ANKMY1: variants seen among roughly 807,000 people sequenced by gnomAD.
ANKMY1 encodes the protein ankyrin repeat and MYND domain-containing protein 1.
A neutral mutation model predicts 102.0 loss-of-function variants in ANKMY1; 98 were observed. The ratio of observed to expected loss-of-function variants is 0.96; its 90% CI spans 0.82 to 1.14. ANKMY1 has a LOEUF of 1.14. ANKMY1 is among the 50% of genes most tolerant of loss of function. The probability of loss-of-function intolerance (pLI) is 0.00; values close to 1 mark genes in which losing one functional copy is unlikely to be tolerated. For missense variants in ANKMY1, 1,330 were observed against 1,347.6 expected, an observed-to-expected ratio of 0.99 and a Z score of 0.20; for synonymous variants, 582 against 559.9, an observed-to-expected ratio of 1.04 and a Z score of -0.56.
intron 4 of ANKMY1, among the ~76,000 whole-genome samples, chr2:240,550,832 T>G (rs1215855391): frequency 7.7e-6 from 1 of 129,976 alleles, no homozygotes; most frequent in Non-Finnish European, 1.7e-5. Flanking sequence ...AATAACCAAA[T>G]TTCCTTGTCA....
At chr2:240,538,701 G>A (rs113293453) in intron 4 of ANKMY1, among the ~76,000 whole-genome samples, 7,486 of 152,270 alleles carry the variant, frequency 0.049, 272 homozygotes, top group Non-Finnish European at 0.068. Flanking sequence ...TGGCCCTGGC[G>A]TGCGATCCAC....
At chr2:240,478,616 T>TCCCTCTTGTCCCTCC (rs1399032308), downstream of ANKMY1, among the ~76,000 whole-genome samples, 1 of 151,878 alleles carries the variant, frequency 6.6e-6, no homozygotes, top group Admixed American at 6.5e-5. Flanking sequence ...CACCCAGCGG[T>TCCCTCTTGTCCCTCC]CAGCTTGTCC....
Position 240,511,915 on chromosome 2 carries a change from C to T in ANKMY1, c.2232G>A (p.Glu744=), listed in dbSNP as rs773097597. Residue 744 remains glutamate (E), a synonymous_variant, in exon 11 of 18, where the codon GAG becomes GAA. Coordinates refer to ENST00000401804, the MANE Select transcript of ANKMY1 (RefSeq NM_001282771.3). ...TGTGCAGAGCCGTCCTGCCCCCCTC[C>T]TCCGGGAGGGCTGTGTCCGTGCTGT... The part of the protein sequence containing the change: ...AYYSTDTALP[E]EGGRTALHMA... 5.7e-6 allele frequency: 9 copies of T among 1,583,194 alleles called. No homozygotes were observed. The highest frequency in any genetic ancestry group is 1.7e-4 in the Middle Eastern group (1 of 5,976).
intron 4 of ANKMY1, among the ~76,000 whole-genome samples, chr2:240,545,181 T>C (rs919912756): frequency 2.5e-4 from 38 of 152,304 alleles, no homozygotes; most frequent in Admixed American, 9.8e-4. Context: ...CAGACTGCCT[T>C]CTCAAGTGGG....
chr2:240,485,277 G>A (rs554108716), intron 15 of ANKMY1, among the ~76,000 whole-genome samples: 167 of 151,028 alleles, frequency 1.1e-3, no homozygotes, highest in African/African-American at 3.9e-3. Context: ...GCAGTGAGCC[G>A]AGATCGCGCC....
chr2:240,545,848 T>C (rs1481635350), intron 4 of ANKMY1, among the ~76,000 whole-genome samples: 1 of 152,132 alleles, frequency 6.6e-6, no homozygotes, highest in Non-Finnish European at 1.5e-5. Flanking sequence ...CTCCAAGAAA[T>C]ACGGGACTAT....
rs1208865918 is a variant in ANKMY1, at chr2:240,552,864, GAC to G, written c.480+48_480+49del. 7 of 1,611,744 alleles carry G rather than the reference GAC, an allele frequency of 4.3e-6. No individual in the cohort carries two copies. The Admixed American group carries it at 8.3e-5, about 19-fold the overall frequency. ...AAATATCTTTTTGTCCAGTGGCTTA[GAC>G]ACACACAGCCACTTCGACCCCAGCT... is the stretch of plus-strand genomic sequence containing the variant. On this transcript the variant is annotated intron_variant, in intron 4 of 17. Coordinates refer to ENST00000401804, the MANE Select transcript of ANKMY1 (RefSeq NM_001282771.3).
intron 4 of ANKMY1, among the ~76,000 whole-genome samples, chr2:240,542,499 G>A (rs1397911875): frequency 7.9e-4 from 117 of 148,514 alleles, no homozygotes; most frequent in African/African-American, 2.6e-3. Flanking sequence ...CCGAGACTCC[G>A]TCTCAAAAAA....
rs1486320277 is a variant in ANKMY1, at chr2:240,520,757, C to T, written c.1833-224G>A. On this transcript the variant is annotated intron_variant, in intron 8 of 17. Coordinates refer to ENST00000401804, the MANE Select transcript of ANKMY1 (RefSeq NM_001282771.3). This position sits in a 1 kb window ranked among gnomAD's most constrained non-coding sequence, Gnocchi z 4.8. Reference sequence around the variant, plus strand: ...GAGCGCACACACACGGCACACACAGCACACCACACAGCACACTCACAACCA... The same window carrying T: ...GAGCGCACACACACGGCACACACAGTACACCACACAGCACACTCACAACCA... 6.6e-6 allele frequency among the ~76,000 whole-genome samples: 1 copy of T among 150,562 alleles called. No homozygotes were observed. Among genetic ancestry groups the T allele is most frequent in the Non-Finnish European group, 1.5e-5 (1 of 67,602 alleles).
At chr2:240,526,844 G>A in intron 5 of ANKMY1, 1 of 1,171,154 alleles carries the variant, frequency 8.5e-7, no homozygotes, top group South Asian at 1.8e-5. Context: ...TCCACCCTCT[G>A]CTCATCCATT....
intron 4 of ANKMY1, among the ~76,000 whole-genome samples, chr2:240,546,477 A>G (rs1186815765): frequency 8.5e-5 from 13 of 152,214 alleles, no homozygotes; most frequent in Non-Finnish European, 1.5e-5. Context: ...ACCAGCTAAC[A>G]TCATAATGAC....
At chr2:240,471,147 C>T in the ANKMY1 span, among the ~76,000 whole-genome samples, 2 of 151,958 alleles carry the variant, frequency 1.3e-5, no homozygotes, top group African/African-American at 4.8e-5. Flanking sequence ...GAATCAGTGG[C>T]TGGTGACAAA....
At chr2:240,490,995 A>G (rs1220798346) in intron 15 of ANKMY1, among the ~76,000 whole-genome samples, 1 of 151,822 alleles carries the variant, frequency 6.6e-6, no homozygotes, top group Non-Finnish European at 1.5e-5. Context: ...TATTTGCTTT[A>G]TGAATCTGGG....
At position 240,479,458 on chromosome 2, in the gene ANKMY1, G is replaced by C; in HGVS notation, c.*151C>G. The C allele has an allele frequency of 1.1e-6, 1 of 933,178 alleles. No individual in the cohort carries two copies. The highest frequency in any genetic ancestry group is 1.7e-6 in the Non-Finnish European group (1 of 604,110). 57.8% of individuals were successfully genotyped at this position (933,178 alleles called of 1,614,324 possible). ...TCACCCCGTGGGGCCAATTTATTGC[G>C]AGGTCGCAAGGGAGACACTGCTACA... On this transcript the variant is annotated 3_prime_UTR_variant, in exon 18 of 18. Coordinates refer to ENST00000401804, the MANE Select transcript of ANKMY1 (RefSeq NM_001282771.3).
chr2:240,514,912 C>CATGG (rs2152263211), intron 9 of ANKMY1, among the ~76,000 whole-genome samples: 1 of 152,352 alleles, frequency 6.6e-6, no homozygotes, highest in South Asian at 2.1e-4. Flanking sequence ...GATGGGCATG[C>CATGG]ATGGGCATGA....
chr2:240,533,214 A>G (rs2085867459), intron 4 of ANKMY1, among the ~76,000 whole-genome samples: 1 of 152,264 alleles, frequency 6.6e-6, no homozygotes, highest in Non-Finnish European at 1.5e-5. Flanking sequence ...TGAAACTGAT[A>G]ATGTGAAAAC....
At chr2:240,530,024 G>A (rs752672383) in intron 4 of ANKMY1, among the ~76,000 whole-genome samples, 9 of 152,028 alleles carry the variant, frequency 5.9e-5, no homozygotes, top group Non-Finnish European at 1.3e-4. Flanking sequence ...AGGAGGGGAG[G>A]AGCAAAGGGA....
At chr2:240,558,045 G>A (rs1044777988), upstream of ANKMY1, 2 of 931,044 alleles carry the variant, frequency 2.1e-6, no homozygotes, top group African/African-American at 3.6e-5. Context: ...GCCACTCTCC[G>A]GCTCCGCCAA....
chr2:240,524,054 T>C lies in ANKMY1; in HGVS notation c.1663A>G (p.Thr555Ala), dbSNP rs1352671660. 4 of 1,613,904 alleles carry C rather than the reference T, an allele frequency of 2.5e-6. No homozygotes were observed. The highest frequency in any genetic ancestry group is 3.4e-6 in the Non-Finnish European group (4 of 1,180,042). ...TDRGSLCSAE[T>A]KFESNVCVCD... ...ACACACACGTTGGACTCAAATTTCGTCTCAGCACTGCACAGACTGCCCCGG... is the reference window on the plus strand; with the variant it reads ...ACACACACGTTGGACTCAAATTTCGCCTCAGCACTGCACAGACTGCCCCGG... The change falls in exon 8 of 18, where the codon ACG (threonine) becomes GCG (alanine). Residue 555 changes from threonine (T) to alanine (A), a missense_variant. By Grantham distance (58) the Thr-to-Ala change is moderately conservative (BLOSUM62 0). Transcript: ENST00000401804.
Sources: gnomAD v4.1 joint callset for allele counts (sites outside exome capture counted in the v4.1 genomes callset) on GRCh38, gnomAD v4.1.1 for gene constraint, Gnocchi (gnomAD v3.1) non-coding constraint, MANE v1.5 for transcripts, NCBI Gene and HGNC (gene_info 2026-07-23, HGNC 2026-07-21) for gene names.